The following PLEKHA1 variants were observed in gnomAD, a reference collection of about 807,000 sequenced individuals.
PLEKHA1 encodes pleckstrin homology domain-containing family A member 1.
PLEKHA1 carries 34 observed loss-of-function variants against 52.0 expected under a neutral mutation model. The ratio of observed to expected loss-of-function variants is 0.65; its 90% CI spans 0.50 to 0.87. The LOEUF (loss-of-function observed/expected upper bound fraction) is 0.87, where lower values mean the gene tolerates loss of function less well. PLEKHA1 is among the 40% of genes least tolerant of loss of function. PLEKHA1 has a pLI of 0.00. For missense variants in PLEKHA1, 497 were observed against 504.2 expected, an observed-to-expected ratio of 0.99 and a Z score of 0.14; for synonymous variants, 163 against 170.7, an observed-to-expected ratio of 0.95 and a Z score of 0.35.
intron 1 of PLEKHA1, among the ~76,000 whole-genome samples, chr10:122,390,515 T>C (rs972180227): frequency 6.6e-6 from 1 of 152,208 alleles, no homozygotes; most frequent in South Asian, 2.1e-4. Flanking sequence ...TGGTGGCTCA[T>C]GCCTGTAATC....
At chr10:122,414,028 A>G (rs536040277) in intron 6 of PLEKHA1, among the ~76,000 whole-genome samples, 10 of 152,224 alleles carry the variant, frequency 6.6e-5, no homozygotes. Flanking sequence ...GGCAAAGGGT[A>G]TGTTAATGAA....
At chr10:122,407,605 G>T (rs896485209) in intron 5 of PLEKHA1, among the ~76,000 whole-genome samples, 1 of 152,222 alleles carries the variant, frequency 6.6e-6, no homozygotes, top group Admixed American at 6.5e-5. Flanking sequence ...GAGTTTGCTA[G>T]TGATGATGAG....
chr10:122,397,415 A>G (rs1295032662), intron 2 of PLEKHA1, among the ~76,000 whole-genome samples: 3 of 151,912 alleles, frequency 2.0e-5, no homozygotes, highest in African/African-American at 7.2e-5. Context: ...TTTTTTGTGG[A>G]AAAAAAAGTA....
chr10:122,433,237 C>CTGTT (rs1396280559), downstream of PLEKHA1: 3 of 152,206 alleles, frequency 2.0e-5, no homozygotes, highest in African/African-American at 7.2e-5. Flanking sequence ...ACATCTTCAT[C>CTGTT]TGTTGCCTTT....
intron 6 of PLEKHA1, 46 bp from the exon 7 acceptor site, chr10:122,415,813 T>C (rs1203585813): frequency 6.5e-7 from 1 of 1,537,878 alleles, no homozygotes; most frequent in Non-Finnish European, 8.9e-7. Context: ...AATAAAAGTA[T>C]GCTAAACAAG....
At chr10:122,425,223 TACTTTC>T in intron 10 of PLEKHA1, 1 of 289,306 alleles carries the variant, frequency 3.5e-6, no homozygotes. Flanking sequence ...GTTAAGTGTG[TACTTTC>T]AAGTTGGATT....
chr10:122,375,134 G>T (rs530906952), intron 1 of PLEKHA1, among the ~76,000 whole-genome samples: 4 of 151,466 alleles, frequency 2.6e-5, no homozygotes, highest in Non-Finnish European at 5.9e-5. Context: ...GCGCCCGGCG[G>T]GGGAGGGCGG....
intron 1 of PLEKHA1, among the ~76,000 whole-genome samples, chr10:122,375,156 C>T (rs2096508000): frequency 6.6e-6 from 1 of 151,804 alleles, no homozygotes; most frequent in South Asian, 2.1e-4. Context: ...AGGCCCGCGG[C>T]GGTCGCGGGG....
intron 3 of PLEKHA1, among the ~76,000 whole-genome samples, chr10:122,400,023 A>G (rs1488348345): frequency 6.6e-6 from 1 of 152,216 alleles, no homozygotes; most frequent in African/African-American, 2.4e-5. Flanking sequence ...TATTTTGAAA[A>G]TTATTTTAAA....
At chr10:122,428,272 C>G in intron 11 of PLEKHA1, 2 of 1,539,124 alleles carry the variant, frequency 1.3e-6, no homozygotes, top group South Asian at 2.4e-5. Context: ...GCACTGTGTT[C>G]CAGATGCGGC....
intron 1 of PLEKHA1, among the ~76,000 whole-genome samples, chr10:122,375,412 C>T (rs926621668): frequency 2.6e-5 from 4 of 152,372 alleles, no homozygotes; most frequent in Non-Finnish European, 5.9e-5. Flanking sequence ...TACCTCCGCA[C>T]CTTCGGGGCA....
chr10:122,421,174 T>A (rs2097255470), intron 8 of PLEKHA1: 1 of 152,024 alleles, frequency 6.6e-6, no homozygotes, highest in South Asian at 2.1e-4. Flanking sequence ...TTAAAGTGAA[T>A]GTCATTGGTA....
intron 4 of PLEKHA1, among the ~76,000 whole-genome samples, chr10:122,405,681 A>G (rs975227782): frequency 5.9e-5 from 9 of 152,010 alleles, no homozygotes; most frequent in Admixed American, 2.0e-4. Flanking sequence ...GAAGTAACCC[A>G]GGAATTAGAC....
chr10:122,409,500 T>G (rs576783312), intron 5 of PLEKHA1, among the ~76,000 whole-genome samples: 1 of 152,256 alleles, frequency 6.6e-6, no homozygotes, highest in South Asian at 2.1e-4. Flanking sequence ...CCTTATTGAT[T>G]ATTAAGGAAT....
At chr10:122,406,885 C>G (rs1189688989) in intron 5 of PLEKHA1, among the ~76,000 whole-genome samples, 1 of 152,094 alleles carries the variant, frequency 6.6e-6, no homozygotes, top group Non-Finnish European at 1.5e-5. Flanking sequence ...AACTTATGCA[C>G]CTAATAAGGA....
At chr10:122,414,115 A>G (rs775199680) in intron 6 of PLEKHA1, among the ~76,000 whole-genome samples, 1 of 152,112 alleles carries the variant, frequency 6.6e-6, no homozygotes, top group African/African-American at 2.4e-5. Flanking sequence ...TTGTGTGTTT[A>G]CTTTTTCCAA....
intron 11 of PLEKHA1, chr10:122,428,323 A>G (rs1312921111): frequency 1.3e-6 from 2 of 1,547,450 alleles, no homozygotes; most frequent in Non-Finnish European, 8.7e-7. Flanking sequence ...AGAGGTATAC[A>G]TCAAGAGCTG....
intron 10 of PLEKHA1, chr10:122,425,178 GTATT>G (rs1554937844): frequency 8.3e-6 from 3 of 360,910 alleles, no homozygotes; most frequent in Non-Finnish European, 1.5e-5. Context: ...CTAGAACTAA[GTATT>G]TAGAGAAAGG....
At chr10:122,438,816 A>T in the PLEKHA1 span, 1 of 152,252 alleles carries the variant, frequency 6.6e-6, no homozygotes, top group African/African-American at 2.4e-5. Flanking sequence ...AAGAAGAAGA[A>T]TTGTCTTGGG....
Sources: gnomAD v4.1 joint callset for allele counts (sites outside exome capture counted in the v4.1 genomes callset) on GRCh38, gnomAD v4.1.1 for gene constraint, MANE v1.5 for transcripts, NCBI Gene and HGNC (gene_info 2026-07-23, HGNC 2026-07-21) for gene names.